Variants in CNNM1 observed in about 807,000 individuals in gnomAD.
CNNM1 encodes the protein cyclin and CBS domain divalent metal cation transport mediator 1.
Under a neutral mutation model 78.8 loss-of-function variants are expected in CNNM1, and 44 were observed. That is an observed-to-expected ratio of 0.56 (90% confidence interval 0.44 to 0.72). The LOEUF (loss-of-function observed/expected upper bound fraction) is 0.72, where lower values mean the gene tolerates loss of function less well. Among genes scored for constraint, CNNM1 ranks in the 30% least tolerant of loss-of-function variants. The pLI, the probability that CNNM1 is intolerant of heterozygous loss-of-function variation, is 0.00. For missense variants in CNNM1, 1,101 were observed against 1,292.2 expected (o/e 0.85, Z 2.27); for synonymous variants, 584 against 581.5 (o/e 1.00, Z -0.06).
intron 6 of CNNM1, among the ~76,000 whole-genome samples, chr10:99,373,981 C>T (rs758448421): frequency 2.0e-5 from 3 of 152,202 alleles, no homozygotes; most frequent in Non-Finnish European, 4.4e-5. Context: ...CATTGATGGA[C>T]ACTTGGGTTG....
chr10:99,344,059 G>C (rs1056711488), intron 1 of CNNM1, among the ~76,000 whole-genome samples: 9 of 150,464 alleles, frequency 6.0e-5, no homozygotes, highest in African/African-American at 1.7e-4. Context: ...TAGGCCAGGT[G>C]TGCTGGCTCA....
rs542081629 is a variant in CNNM1 at position 99,338,777 on chromosome 10, A to T, written c.1573+7817A>T. On this transcript the variant is annotated intron_variant, in intron 1 of 10. Coordinates refer to ENST00000356713, the MANE Select transcript of CNNM1 (RefSeq NM_020348.3). ...TAATAACAATCTTAATGAAATTCTT[A>T]AAAAGAAAACAAAAGGAAAAGCCCA... is the stretch of plus-strand genomic sequence containing the variant. 8.4e-4 allele frequency among the ~76,000 whole-genome samples: 128 copies of T among 152,344 alleles called. 1 individual carries two copies. The Middle Eastern group carries it at 0.024, about 28-fold the overall frequency.
intron 7 of CNNM1, among the ~76,000 whole-genome samples, chr10:99,381,845 C>A (rs2032174055): frequency 6.7e-6 from 1 of 150,084 alleles, no homozygotes. Context: ...ACACAAGTGT[C>A]TTTTTTGTTT....
intron 1 of CNNM1, among the ~76,000 whole-genome samples, chr10:99,339,679 A>T (rs1441941302): frequency 2.6e-5 from 4 of 152,172 alleles, no homozygotes; most frequent in Admixed American, 1.3e-4. Flanking sequence ...ATCATCTTCC[A>T]CAAAAGCTGT....
intron 1 of CNNM1, among the ~76,000 whole-genome samples, chr10:99,345,055 G>A (rs2030633010): frequency 6.6e-6 from 1 of 152,210 alleles, no homozygotes; most frequent in Non-Finnish European, 1.5e-5. Flanking sequence ...AGGTCAAGAG[G>A]CAGACAGACC....
At chr10:99,375,429 G>A (rs2031932316) in intron 6 of CNNM1, among the ~76,000 whole-genome samples, 1 of 152,176 alleles carries the variant, frequency 6.6e-6, no homozygotes. Flanking sequence ...AGCGGCAGGA[G>A]TCAAGGACAA....
chr10:99,376,981 C>A, intron 6 of CNNM1, 74 bp from the exon 7 acceptor site: 2 of 1,319,736 alleles, frequency 1.5e-6, no homozygotes, highest in Non-Finnish European at 2.1e-6. Context: ...CCCTCCTTCC[C>A]TGTCTCCCTC....
chr10:99,389,617 C>T (rs550760587), intron 9 of CNNM1, among the ~76,000 whole-genome samples: 6 of 152,080 alleles, frequency 3.9e-5, no homozygotes, highest in African/African-American at 1.2e-4. Flanking sequence ...AGAATGAAGG[C>T]GATGGAGTGG....
intron 7 of CNNM1, among the ~76,000 whole-genome samples, chr10:99,386,341 G>C (rs1424936605): frequency 6.6e-6 from 1 of 152,160 alleles, no homozygotes; most frequent in Non-Finnish European, 1.5e-5. Context: ...CAAATTCTCA[G>C]TCTCCACCCC....
rs2030435715 is a variant in CNNM1 at position 99,341,004 on chromosome 10, C to T, written c.1573+10044C>T. On this transcript the variant is annotated intron_variant, in intron 1 of 10. Transcript: ENST00000356713. ...ACCATTCCTGCCCTCCTAGGGCTTG[C>T]AGTCGAGTAGGCGACACCAAGCAAT... Among the ~76,000 whole-genome samples, 7 of 151,928 alleles carry T rather than the reference C, an allele frequency of 4.6e-5. No homozygotes were observed. The South Asian group carries it at 1.2e-3, about 27-fold the overall frequency.
chr10:99,389,927 T>TA (rs1411369963), intron 9 of CNNM1, among the ~76,000 whole-genome samples: 1 of 152,138 alleles, frequency 6.6e-6, no homozygotes, highest in African/African-American at 2.4e-5. Flanking sequence ...TTTGTGCAAA[T>TA]ATACCAAGGA....
chr10:99,330,845 C>T lies in CNNM1; in HGVS notation c.1458C>T (p.Phe486=). 6.2e-7 allele frequency: 1 copy of T among 1,614,158 alleles called. No individual in the cohort carries two copies. The highest frequency in any genetic ancestry group is 8.5e-7 in the Non-Finnish European group (1 of 1,180,034). ...TTTTATTTGTCAAGGACTTGGCCTT[C>T]GTGGACCCCGACGACTGCACCCCGC... ...VDILFVKDLA[F]VDPDDCTPLL... is the part of the protein sequence containing the mutation. Residue 486 remains phenylalanine, a synonymous_variant, in exon 1 of 11, where the codon TTC becomes TTT. Transcript: ENST00000356713.
intron 6 of CNNM1, among the ~76,000 whole-genome samples, chr10:99,374,942 G>A (rs2031917179): frequency 6.6e-6 from 1 of 152,234 alleles, no homozygotes; most frequent in Admixed American, 6.5e-5. Context: ...TGATAGAGGA[G>A]AACAGGAGGA....
intron 1 of CNNM1, among the ~76,000 whole-genome samples, chr10:99,348,405 G>A (rs2030800763): frequency 6.6e-6 from 1 of 152,148 alleles, no homozygotes; most frequent in African/African-American, 2.4e-5. Context: ...ACTTACAAGA[G>A]TGTAAGCTGC....
intron 1 of CNNM1, among the ~76,000 whole-genome samples, chr10:99,347,586 C>CACACACACACACACACACACACAT (rs1442370435): frequency 2.4e-4 from 37 of 151,644 alleles, no homozygotes; most frequent in Non-Finnish European, 2.8e-4. Context: ...AACACACACA[C>CACACACACACACACACACACACAT]ACACACACAC....
chr10:99,349,340 A>G (rs1176625531), intron 1 of CNNM1, among the ~76,000 whole-genome samples: 1 of 152,152 alleles, frequency 6.6e-6, no homozygotes, highest in Non-Finnish European at 1.5e-5. Flanking sequence ...TGTAACTCCA[A>G]CGTGCAGCCA....
intron 2 of CNNM1, among the ~76,000 whole-genome samples, 156 bp downstream of exon 2, chr10:99,357,811 C>A (rs1305683993): frequency 6.6e-6 from 1 of 152,126 alleles, no homozygotes; most frequent in Non-Finnish European, 1.5e-5. Context: ...TGGCAAGATA[C>A]CCTAGTTGGA....
intron 4 of CNNM1, among the ~76,000 whole-genome samples, chr10:99,363,753 T>C (rs887269224): frequency 1.4e-5 from 2 of 148,028 alleles, no homozygotes; most frequent in African/African-American, 5.0e-5. Context: ...TTTTTTTTTT[T>C]TTTTTTTTTG....
At position 99,330,288 on chromosome 10, in the gene CNNM1, C is replaced by T. The variant is rs554656536; in HGVS notation, c.901C>T (p.Leu301=). 1.9e-6 allele frequency: 3 copies of T among 1,578,458 alleles called. No homozygotes were observed. In the East Asian group the frequency reaches 6.9e-5, roughly 36 times the overall value. ...AGANAALAGW[L]YTSLPPGFGG... ...AGCCAACGCGGCCCTGGCTGGCTGG[C>T]TGTACACCTCGCTGCCGCCGGGCTT... Residue 301 remains leucine, a synonymous_variant, in exon 1 of 11, where the codon CTG becomes TTG. Coordinates refer to ENST00000356713, the MANE Select transcript of CNNM1 (RefSeq NM_020348.3).
Sources: allele counts gnomAD v4.1 joint callset (sites outside exome capture counted in the v4.1 genomes callset), GRCh38; gene constraint gnomAD v4.1.1; transcripts MANE v1.5; gene names NCBI Gene and HGNC (gene_info 2026-07-23, HGNC 2026-07-21).